The following NSF variants were observed in gnomAD, a reference collection of about 807,000 sequenced individuals.
NSF encodes the protein N-ethylmaleimide sensitive factor, vesicle fusing ATPase, also known as vesicle-fusing ATPase.
NSF carries 14 observed loss-of-function variants against 50.3 expected under a neutral mutation model. The ratio of observed to expected loss-of-function variants is 0.28; its 90% CI spans 0.18 to 0.44. The LOEUF (loss-of-function observed/expected upper bound fraction) is 0.44. Ranked by LOEUF, NSF falls within the 20% of genes least tolerant of loss-of-function variation. The pLI is 1.00. For synonymous variants in NSF, 109 were observed against 175.7 expected, an observed-to-expected ratio of 0.62 and a Z score of 3.00; for missense variants, 218 against 504.3, an observed-to-expected ratio of 0.43 and a Z score of 5.44.
chr17:46,613,335 A>G (rs1297660242), intron 1 of NSF, among the ~76,000 whole-genome samples: 1 of 2,370 alleles, frequency 4.2e-4, no homozygotes, highest in East Asian at 2.2e-3. Context: ...TAAATGATTA[A>G]TTTTATGTGA....
intron 17 of NSF, among the ~76,000 whole-genome samples, chr17:46,742,611 AT>A (rs1425052127): frequency 6.6e-6 from 1 of 152,074 alleles, no homozygotes; most frequent in African/African-American, 2.4e-5. Flanking sequence ...GTATGTGGGG[AT>A]TGAGTTGGCC....
intron 4 of NSF, among the ~76,000 whole-genome samples, chr17:46,631,084 A>ACACACACACC (rs2058133687): frequency 1.4e-5 from 2 of 145,590 alleles, no homozygotes; most frequent in African/African-American, 5.5e-5. Context: ...ACACACACAC[A>ACACACACACC]CACACACACA....
intron 17 of NSF, among the ~76,000 whole-genome samples, chr17:46,745,771 T>C (rs1012382551): frequency 3.3e-5 from 5 of 152,362 alleles, no homozygotes; most frequent in African/African-American, 1.2e-4. Flanking sequence ...CCTTTAGGGC[T>C]ATGTTCCCAA....
chr17:46,745,265 T>G (rs1479816647), intron 17 of NSF, among the ~76,000 whole-genome samples: 1 of 152,232 alleles, frequency 6.6e-6, no homozygotes, highest in Admixed American at 6.5e-5. Context: ...TAAAGCTTCC[T>G]TATGAGCACT....
intron 17 of NSF, among the ~76,000 whole-genome samples, chr17:46,733,888 C>T (rs111797630): frequency 3.3e-5 from 5 of 152,274 alleles, no homozygotes; most frequent in African/African-American, 4.8e-5. Flanking sequence ...GTAACTTCCT[C>T]GCTGCTCTGA....
At chr17:46,753,524 C>T (rs187724923) in intron 19 of NSF, among the ~76,000 whole-genome samples, 73 of 152,088 alleles carry the variant, frequency 4.8e-4, no homozygotes, top group Admixed American at 1.8e-3. Flanking sequence ...GGTAAAAGTG[C>T]AAATACAGGT....
intron 8 of NSF, among the ~76,000 whole-genome samples, chr17:46,648,085 GAGGAAA>G (rs1404989123): frequency 8.7e-5 from 1 of 11,528 alleles, no homozygotes; most frequent in Admixed American, 9.2e-4. Flanking sequence ...TTTATTAGCA[GAGGAAA>G]AGACAGCAGT....
At chr17:46,605,484 T>C (rs1217042431) in intron 1 of NSF, among the ~76,000 whole-genome samples, 1 of 148,970 alleles carries the variant, frequency 6.7e-6, no homozygotes, top group African/African-American at 2.5e-5. Flanking sequence ...AAAAAAGATA[T>C]TACCTTCAAC....
intron 15 of NSF, chr17:46,721,473 G>A: frequency 1.4e-6 from 1 of 703,306 alleles, no homozygotes; most frequent in Non-Finnish European, 2.5e-6. Context: ...ATATATGTAT[G>A]TTGATAATTT....
At chr17:46,615,837 C>T (rs1191658878) in intron 1 of NSF, among the ~76,000 whole-genome samples, 203 of 14,166 alleles carry the variant, frequency 0.014, 6 homozygotes, top group African/African-American at 0.063. Flanking sequence ...TAATCAAGTG[C>T]GGGTACGTTG....
chr17:46,716,611 G>C (rs775322529), intron 15 of NSF, among the ~76,000 whole-genome samples: 1 of 152,062 alleles, frequency 6.6e-6, no homozygotes, highest in African/African-American at 2.4e-5. Flanking sequence ...TTTTTTTTCA[G>C]AGCACAAATA....
intron 19 of NSF, among the ~76,000 whole-genome samples, chr17:46,754,947 CCTTTTA>C (rs2059218433): frequency 6.6e-6 from 1 of 152,184 alleles, no homozygotes; most frequent in Non-Finnish European, 1.5e-5. Flanking sequence ...ACTTTAGTAG[CCTTTTA>C]CACCTTCAAC....
chr17:46,717,868 A>G (rs142167), intron 15 of NSF, among the ~76,000 whole-genome samples: 45,842 of 152,036 alleles, frequency 0.3, 7,688 homozygotes, highest in East Asian at 0.61. Context: ...TGGAAAGCTG[A>G]CCGAACTGGA....
At chr17:46,755,722 A>ATTT (rs71138549) in intron 20 of NSF, 80 bp from the exon 21 acceptor site, 130 of 1,045,862 alleles carry the variant, frequency 1.2e-4, no homozygotes, top group South Asian at 3.5e-4. Context: ...GCTTTTAGTG[A>ATTT]TTTTTTTTTT....
chr17:46,707,581 C>A (rs2058668784), intron 13 of NSF, among the ~76,000 whole-genome samples: 1 of 152,100 alleles, frequency 6.6e-6, no homozygotes, highest in Admixed American at 6.5e-5. Flanking sequence ...ATTCTACTGT[C>A]CATCTTTATG....
Position 46,722,652 on chromosome 17 carries a change from A to G in NSF, c.1762-3897A>G, listed in dbSNP as rs563011964. Among the ~76,000 whole-genome samples, 7 of 152,308 alleles carry G rather than the reference A, an allele frequency of 4.6e-5. 1 individual carries two copies. In the South Asian group the frequency reaches 1.5e-3, roughly 32 times the overall value. On this transcript the variant is annotated intron_variant, in intron 15 of 20. Coordinates refer to ENST00000398238, the MANE Select transcript of NSF (RefSeq NM_006178.4). ...TGGGCCAGAAAGGGTGAAAGGGACT[A>G]AGGGACTGAGGAGACTAGGCAGAAA...
intron 19 of NSF, among the ~76,000 whole-genome samples, chr17:46,754,775 C>T (rs1025657846): frequency 1.3e-5 from 2 of 152,176 alleles, no homozygotes; most frequent in African/African-American, 4.8e-5. Context: ...ATCAGCAGTA[C>T]TCTTCATTTT....
chr17:46,731,682 T>C (rs1210232361), intron 17 of NSF, among the ~76,000 whole-genome samples: 1 of 152,088 alleles, frequency 6.6e-6, no homozygotes, highest in Admixed American at 6.6e-5. Flanking sequence ...AGGAAGAATA[T>C]AGAAATATGT....
chr17:46,699,203 TCAGG>T (rs1489067256), intron 12 of NSF, among the ~76,000 whole-genome samples: 1 of 106,640 alleles, frequency 9.4e-6, no homozygotes, highest in African/African-American at 3.6e-5. Context: ...AACTGTTTTT[TCAGG>T]TTTTCTGAGA....
Sources: gnomAD v4.1 joint callset for allele counts (sites outside exome capture counted in the v4.1 genomes callset) on GRCh38, gnomAD v4.1.1 for gene constraint, MANE v1.5 for transcripts, NCBI Gene and HGNC (gene_info 2026-07-23, HGNC 2026-07-21) for gene names.